The following MAP3K20 variants were observed in gnomAD, a reference collection of about 807,000 sequenced individuals.
MAP3K20 encodes HCCS-4.
Under a neutral mutation model 85.7 loss-of-function variants are expected in MAP3K20, and 40 were observed. That is an observed-to-expected ratio of 0.47 (90% CI 0.36 to 0.61). The LOEUF (loss-of-function observed/expected upper bound fraction) is 0.61, where lower values mean the gene tolerates loss of function less well. Among genes scored for constraint, MAP3K20 ranks in the 20% least tolerant of loss-of-function variants. The pLI, the probability that MAP3K20 is intolerant of heterozygous loss-of-function variation, is 0.00. For missense variants in MAP3K20, 817 were observed against 961.7 expected, an observed-to-expected ratio of 0.85 and a Z score of 1.99; for synonymous variants, 325 against 327.7, an observed-to-expected ratio of 0.99 and a Z score of 0.09.
Position 173,266,641 on chromosome 2 carries a change from A to G in MAP3K20, c.2294A>G (p.Glu765Gly). Residue 765 changes from glutamate (E) to glycine (G), a missense_variant, in exon 20 of 20, where the codon GAA becomes GGA. Glu to Gly is a moderately conservative substitution (Grantham distance 98). This residue lies in a region of MAP3K20 where 454 missense variants were observed against 476.9 expected (regional missense o/e 0.95). Transcript: ENST00000375213. ...RASEEDSKVS[E>G]GGWTKVEYRK... ...AGTGAAGAGGACAGCAAAGTCAGCGAAGGGGGCTGGACAAAAGTGGAATAC... is the reference window on the plus strand; with the variant it reads ...AGTGAAGAGGACAGCAAAGTCAGCGGAGGGGGCTGGACAAAAGTGGAATAC... 2 of 1,613,858 alleles carry G rather than the reference A, an allele frequency of 1.2e-6. No individual in the cohort carries two copies. Among genetic ancestry groups the G allele is most frequent in the Non-Finnish European group, 1.7e-6 (2 of 1,179,916 alleles).
chr2:173,117,197 G>A lies in MAP3K20; in HGVS notation c.159+26007G>A, dbSNP rs577921523. ...CCATAAAGCAAATCTGAAAGAATGA[G>A]GAGTGTTTAAGGTGAGTCTCTTAAG... is the stretch of plus-strand genomic sequence containing the variant. On this transcript the variant is annotated intron_variant, in intron 2 of 19. Transcript: ENST00000375213. 7.2e-5 allele frequency among the ~76,000 whole-genome samples: 11 copies of A among 152,340 alleles called. No homozygotes were observed. The South Asian group carries it at 2.3e-3, about 32-fold the overall frequency.
intron 3 of MAP3K20, among the ~76,000 whole-genome samples, chr2:173,177,346 A>C (rs996845266): frequency 6.6e-6 from 1 of 152,220 alleles, no homozygotes; most frequent in Non-Finnish European, 1.5e-5. Flanking sequence ...TTAAAATTGA[A>C]ATTAACAACA....
intron 2 of MAP3K20, among the ~76,000 whole-genome samples, chr2:173,107,857 G>A (rs1345607940): frequency 6.6e-6 from 1 of 152,186 alleles, no homozygotes; most frequent in Non-Finnish European, 1.5e-5. Flanking sequence ...TGTTACCTGT[G>A]GCGGTTAGGG....
intron 2 of MAP3K20, among the ~76,000 whole-genome samples, chr2:173,130,460 A>G (rs1158000976): frequency 1.3e-5 from 2 of 152,222 alleles, no homozygotes; most frequent in African/African-American, 2.4e-5. Flanking sequence ...TATGCTATCA[A>G]GGAGACAGGG....
At chr2:173,209,954 A>C in intron 10 of MAP3K20, 119 bp downstream of exon 10, 1 of 906,068 alleles carries the variant, frequency 1.1e-6, no homozygotes, top group Non-Finnish European at 1.7e-6. Context: ...AGCTTAGGGA[A>C]AAAGAAAAGG....
chr2:173,120,133 A>G (rs538968897), intron 2 of MAP3K20, among the ~76,000 whole-genome samples: 49 of 152,256 alleles, frequency 3.2e-4, no homozygotes, highest in Admixed American at 3.9e-4. Flanking sequence ...AAAATCCCCA[A>G]AGCTGCTATA....
intron 2 of MAP3K20, among the ~76,000 whole-genome samples, chr2:173,139,868 T>C (rs1268717023): frequency 6.6e-6 from 1 of 152,148 alleles, no homozygotes; most frequent in African/African-American, 2.4e-5. Context: ...CACCCACATA[T>C]TTCCATGTTA....
intron 9 of MAP3K20, among the ~76,000 whole-genome samples, chr2:173,205,840 G>A (rs1406241509): frequency 6.6e-6 from 1 of 152,028 alleles, no homozygotes; most frequent in East Asian, 1.9e-4. Context: ...GTTTTTGAAT[G>A]GTCTGCCCTG....
chr2:173,232,526 CAG>C, intron 14 of MAP3K20, 67 bp downstream of exon 14: 2 of 1,585,226 alleles, frequency 1.3e-6, no homozygotes, highest in Non-Finnish European at 1.7e-6. Context: ...TTTTTTGAGG[CAG>C]AGTCTTGCTC....
intron 16 of MAP3K20, among the ~76,000 whole-genome samples, chr2:173,241,629 A>G (rs1684785900): frequency 6.6e-6 from 1 of 152,178 alleles, no homozygotes; most frequent in Admixed American, 6.5e-5. Context: ...AAAATAAAAA[A>G]TCACATGTAC....
intron 2 of MAP3K20, among the ~76,000 whole-genome samples, chr2:173,116,013 T>TAAAAAAAAA: frequency 6.9e-6 from 1 of 145,234 alleles, no homozygotes; most frequent in Non-Finnish European, 1.5e-5. Context: ...AGAGTCTAAT[T>TAAAAAAAAA]AAAAAAAAAA....
intron 1 of MAP3K20, chr2:173,090,684 C>T (rs1687268238): frequency 9.9e-7 from 1 of 1,011,786 alleles, no homozygotes; most frequent in Admixed American, 5.6e-5. Flanking sequence ...GACCTGGTGA[C>T]ACAGTAGCCT....
chr2:173,173,355 C>A (rs937717256), intron 3 of MAP3K20, among the ~76,000 whole-genome samples: 1 of 152,056 alleles, frequency 6.6e-6, no homozygotes, highest in South Asian at 2.1e-4. Context: ...GAAAGGGTGG[C>A]AGACTGGGTT....
intron 12 of MAP3K20, among the ~76,000 whole-genome samples, chr2:173,230,922 G>A (rs905573223): frequency 2.6e-5 from 4 of 152,186 alleles, no homozygotes; most frequent in Admixed American, 2.6e-4. Flanking sequence ...CTTGAATATG[G>A]AAGGTGGAGG....
intron 3 of MAP3K20, among the ~76,000 whole-genome samples, chr2:173,174,344 C>T (rs776757864): frequency 6.6e-6 from 1 of 152,090 alleles, no homozygotes; most frequent in African/African-American, 2.4e-5. Flanking sequence ...TAATGCTCTC[C>T]CTCCCCTAGC....
At chr2:173,089,533 A>G (rs747483566) in intron 1 of MAP3K20, among the ~76,000 whole-genome samples, 2 of 152,148 alleles carry the variant, frequency 1.3e-5, no homozygotes, top group Non-Finnish European at 2.9e-5. Flanking sequence ...TATTTTCTAT[A>G]GATTTTTTTA....
intron 16 of MAP3K20, among the ~76,000 whole-genome samples, chr2:173,245,152 A>T (rs984167806): frequency 1.1e-4 from 17 of 152,138 alleles, no homozygotes; most frequent in African/African-American, 3.6e-4. Flanking sequence ...AAATTATGTC[A>T]TTTCCACAAC....
chr2:173,177,468 G>C (rs991716908), intron 3 of MAP3K20, among the ~76,000 whole-genome samples: 4 of 95,862 alleles, frequency 4.2e-5, no homozygotes, highest in Non-Finnish European at 8.8e-5. Flanking sequence ...TTTTTGAGAT[G>C]AAGTCTCATT....
intron 3 of MAP3K20, among the ~76,000 whole-genome samples, chr2:173,173,152 TTCTGTGTGTG>T (rs1354364607): frequency 1.6e-5 from 2 of 121,556 alleles, no homozygotes; most frequent in Non-Finnish European, 3.4e-5. Context: ...ATTCTTTTAT[TTCTGTGTGTG>T]TGTGTGTGTG....
Sources: allele counts gnomAD v4.1 joint callset (sites outside exome capture counted in the v4.1 genomes callset), GRCh38; gene constraint gnomAD v4.1.1; regional missense constraint gnomAD v4.1.1; transcripts MANE v1.5; gene names NCBI Gene and HGNC (gene_info 2026-07-23, HGNC 2026-07-21).